Variants in TBC1D5 observed in about 807,000 individuals in gnomAD.
TBC1D5 encodes the protein TBC1 domain family, member 5.
Under a neutral mutation model 100.3 loss-of-function variants are expected in TBC1D5, and 75 were observed. That is an observed-to-expected ratio of 0.75 (90% CI 0.62 to 0.91). The LOEUF is 0.91. TBC1D5 is among the 40% of genes least tolerant of loss of function. TBC1D5 has a pLI of 0.00. For missense variants in TBC1D5, 910 were observed against 942.4 expected (o/e 0.97, Z 0.45); for synonymous variants, 323 against 325.6 (o/e 0.99, Z 0.09).
intron 2 of TBC1D5, among the ~76,000 whole-genome samples, chr3:17,603,804 C>T (rs2153599720): frequency 6.6e-6 from 1 of 152,134 alleles, no homozygotes; most frequent in African/African-American, 2.4e-5. Context: ...CGCACCACGC[C>T]TAGCTAATTT....
chr3:17,431,586 C>T (rs768306848), intron 3 of TBC1D5, among the ~76,000 whole-genome samples: 35 of 151,890 alleles, frequency 2.3e-4, no homozygotes, highest in Non-Finnish European at 4.9e-4. Flanking sequence ...TACTTGTGAC[C>T]GTAAGTTTGA....
chr3:17,623,245 TA>T (rs1384340928), intron 2 of TBC1D5, among the ~76,000 whole-genome samples: 1 of 152,228 alleles, frequency 6.6e-6, no homozygotes, highest in Non-Finnish European at 1.5e-5. Flanking sequence ...AGATTCTGCG[TA>T]TCTAGGACGC....
chr3:17,387,537 A>T (rs950640527), intron 8 of TBC1D5, among the ~76,000 whole-genome samples: 1 of 152,074 alleles, frequency 6.6e-6, no homozygotes, highest in Non-Finnish European at 1.5e-5. Context: ...TTATAGGTAT[A>T]AGAAATGTGG....
intron 1 of TBC1D5, among the ~76,000 whole-genome samples, chr3:17,661,224 C>T (rs2066614592): frequency 6.6e-6 from 1 of 152,180 alleles, no homozygotes; most frequent in African/African-American, 2.4e-5. Flanking sequence ...ATTAAAGTCC[C>T]ATCTGGAGTC....
chr3:17,645,281 G>C (rs535753834), intron 1 of TBC1D5, among the ~76,000 whole-genome samples: 2 of 152,050 alleles, frequency 1.3e-5, no homozygotes, highest in African/African-American at 2.4e-5. Flanking sequence ...ACCAGCAGGG[G>C]GAGATACAGA....
At chr3:17,676,663 T>C (rs1297611569) in intron 1 of TBC1D5, among the ~76,000 whole-genome samples, 1 of 152,156 alleles carries the variant, frequency 6.6e-6, no homozygotes, top group Non-Finnish European at 1.5e-5. Flanking sequence ...TTAAAGTTCA[T>C]ATGGAACCAA....
intron 1 of TBC1D5, among the ~76,000 whole-genome samples, chr3:17,710,696 C>A (rs1034592372): frequency 6.6e-6 from 1 of 151,124 alleles, no homozygotes; most frequent in Non-Finnish European, 1.5e-5. Flanking sequence ...TATTTATTTA[C>A]TTATTTATTT....
chr3:17,489,851 A>C (rs948166410), intron 3 of TBC1D5, among the ~76,000 whole-genome samples: 7 of 152,200 alleles, frequency 4.6e-5, no homozygotes, highest in Non-Finnish European at 1.0e-4. Flanking sequence ...AGATTGATTT[A>C]TATTCCTTCA....
intron 2 of TBC1D5, among the ~76,000 whole-genome samples, chr3:17,552,153 T>C (rs2096479843): frequency 6.6e-6 from 1 of 151,752 alleles, no homozygotes; most frequent in Non-Finnish European, 1.5e-5. Context: ...ACATCAGTCC[T>C]TCCAGATGAT....
At chr3:17,594,873 T>G (rs1409593547) in intron 2 of TBC1D5, among the ~76,000 whole-genome samples, 2 of 152,310 alleles carry the variant, frequency 1.3e-5, no homozygotes, top group East Asian at 1.9e-4. Flanking sequence ...GAGTGTCAAC[T>G]TGATTAAAAT....
In TBC1D5 at chr3:17,261,396, A is replaced by T. The variant is rs575462593; in HGVS notation, c.1246-2805T>A. ...TGATATCAATGGTTTTCCTAGGGGG[A>T]CAAGATTAAATGAGCGGAATTCTCA... On this transcript the variant is annotated intron_variant, in intron 15 of 21. Transcript: ENST00000253692. 2.0e-5 allele frequency among the ~76,000 whole-genome samples: 3 copies of T among 151,568 alleles called. No individual in the cohort carries two copies. In the East Asian group the frequency reaches 5.8e-4, roughly 29 times the overall value.
intron 15 of TBC1D5, among the ~76,000 whole-genome samples, chr3:17,278,988 A>G (rs991419775): frequency 1.3e-5 from 2 of 152,244 alleles, no homozygotes; most frequent in Non-Finnish European, 2.9e-5. Context: ...TCACAAATAG[A>G]TAAAACATTT....
At chr3:17,427,819 C>G (rs1212726805) in intron 4 of TBC1D5, among the ~76,000 whole-genome samples, 1 of 151,834 alleles carries the variant, frequency 6.6e-6, no homozygotes, top group Non-Finnish European at 1.5e-5. Flanking sequence ...CTTTCTTACT[C>G]CTGAGTTTCC....
Position 17,544,650 on chromosome 3 carries a change from G to GGAAAAAAAAAAA in TBC1D5, c.-35-36046_-35-36045insTTTTTTTTTTTC, listed in dbSNP as rs1241247818. The stretch of plus-strand genomic sequence containing the variant: ...TGGGCGACAAAGTGAGACTCCGTCT[G>GGAAAAAAAAAAA]AAAAAAAAAAAAAAAAAGCACCTTA... On this transcript the variant is annotated intron_variant, in intron 2 of 21. Transcript: ENST00000253692. Among the ~76,000 whole-genome samples the GGAAAAAAAAAAA allele has an allele frequency of 1.5e-3, 133 of 86,254 alleles. 1 individual carries two copies. The highest frequency in any genetic ancestry group is 5.3e-3 in the African/African-American group (124 of 23,254). The allele number at this position is 86,254 out of a possible 152,430, so 56.6% of individuals were successfully genotyped here.
intron 1 of TBC1D5, among the ~76,000 whole-genome samples, chr3:17,706,422 T>TAGAC (rs113465892): frequency 0.026 from 3,886 of 151,410 alleles, 153 homozygotes; most frequent in African/African-American, 0.089. Flanking sequence ...CAACTTTACT[T>TAGAC]ACACACACAC....
At chr3:17,217,383 G>A (rs1026691783) in intron 17 of TBC1D5, among the ~76,000 whole-genome samples, 1 of 152,034 alleles carries the variant, frequency 6.6e-6, no homozygotes, top group Admixed American at 6.6e-5. Context: ...TTTGTCTCAC[G>A]TAGATATCTA....
chr3:17,230,818 C>A (rs527643041), intron 17 of TBC1D5, among the ~76,000 whole-genome samples: 136 of 152,226 alleles, frequency 8.9e-4, no homozygotes, highest in African/African-American at 2.9e-3. Context: ...TTCAGGACCG[C>A]TGTGGATACC....
At chr3:17,210,240 T>G (rs560352747) in intron 18 of TBC1D5, among the ~76,000 whole-genome samples, 17 of 151,992 alleles carry the variant, frequency 1.1e-4, no homozygotes, top group Admixed American at 5.2e-4. Flanking sequence ...CAGGCCTGAG[T>G]GCAGTGGCGC....
At chr3:17,635,279 A>C (rs539692041) in intron 1 of TBC1D5, among the ~76,000 whole-genome samples, 49 of 152,356 alleles carry the variant, frequency 3.2e-4, no homozygotes, top group African/African-American at 1.2e-3. Flanking sequence ...AAACACATTA[A>C]ATGGATCATA....
Sources: gnomAD v4.1 joint callset for allele counts (sites outside exome capture counted in the v4.1 genomes callset) on GRCh38, gnomAD v4.1.1 for gene constraint, MANE v1.5 for transcripts, NCBI Gene and HGNC (gene_info 2026-07-23, HGNC 2026-07-21) for gene names.